Variants in TCF12 observed in about 807,000 individuals in gnomAD.
TCF12 encodes DNA-binding protein HTF4.
Under a neutral mutation model 86.0 loss-of-function variants are expected in TCF12, and 45 were observed. That is an observed-to-expected ratio of 0.52 (90% CI 0.41 to 0.67). The LOEUF is 0.67. TCF12 is among the 30% of genes least tolerant of loss of function. The pLI is 0.00. For synonymous variants in TCF12, 330 were observed against 299.6 expected, an observed-to-expected ratio of 1.10 and a Z score of -1.05; for missense variants, 881 against 859.9, an observed-to-expected ratio of 1.02 and a Z score of -0.31.
chr15:57,082,674 G>A (rs1414598962), intron 4 of TCF12, among the ~76,000 whole-genome samples: 1 of 152,128 alleles, frequency 6.6e-6, no homozygotes, highest in Non-Finnish European at 1.5e-5. Context: ...CATAAGTTTG[G>A]AGCTTTCATG....
intron 5 of TCF12, chr15:57,109,433 T>C (rs535803031): frequency 3.9e-5 from 6 of 152,340 alleles, no homozygotes; most frequent in African/African-American, 1.2e-4. Context: ...ATACTTAATA[T>C]TGTAAATAGG....
intron 3 of TCF12, among the ~76,000 whole-genome samples, chr15:56,973,989 A>G (rs767963092): frequency 3.9e-5 from 6 of 152,170 alleles, no homozygotes; most frequent in African/African-American, 1.2e-4. Flanking sequence ...TGTCAATATC[A>G]TGAAAGACAA....
intron 3 of TCF12, among the ~76,000 whole-genome samples, chr15:56,991,656 G>A (rs2063464872): frequency 6.6e-6 from 1 of 151,974 alleles, no homozygotes; most frequent in Non-Finnish European, 1.5e-5. Context: ...AAGACATTTA[G>A]GGTTAATAAG....
intron 5 of TCF12, among the ~76,000 whole-genome samples, chr15:57,146,007 AT>A (rs1339845664): frequency 1.3e-5 from 2 of 152,192 alleles, no homozygotes; most frequent in Non-Finnish European, 2.9e-5. Context: ...TGATCTGAAT[AT>A]TACACTTTGA....
chr15:56,941,024 A>G (rs1332508855), intron 3 of TCF12, among the ~76,000 whole-genome samples: 1 of 150,174 alleles, frequency 6.7e-6, no homozygotes, highest in African/African-American at 2.4e-5. Context: ...GCCTCCCAAA[A>G]TGCTGGGATT....
chr15:57,267,480 A>G (rs2060923085), intron 18 of TCF12, among the ~76,000 whole-genome samples: 2 of 152,214 alleles, frequency 1.3e-5, no homozygotes, highest in African/African-American at 2.4e-5. Flanking sequence ...AACAATTTAC[A>G]TCTTTCCTCC....
At chr15:57,050,708 A>AT (rs1422651926) in intron 3 of TCF12, among the ~76,000 whole-genome samples, 4 of 151,992 alleles carry the variant, frequency 2.6e-5, no homozygotes, top group Admixed American at 2.6e-4. Context: ...TAATTTTTTC[A>AT]TTATTTTTTG....
chr15:57,285,920 A>G (rs1211802623), intron 20 of TCF12, among the ~76,000 whole-genome samples: 1 of 152,214 alleles, frequency 6.6e-6, no homozygotes, highest in Non-Finnish European at 1.5e-5. Flanking sequence ...AGAGCAAGAC[A>G]CTGTCTGAAA....
intron 5 of TCF12, among the ~76,000 whole-genome samples, chr15:57,147,400 A>G (rs537658873): frequency 2.6e-5 from 4 of 152,330 alleles, no homozygotes; most frequent in East Asian, 1.9e-4. Context: ...ATATCCTATT[A>G]AACAACTACT....
intron 13 of TCF12, among the ~76,000 whole-genome samples, chr15:57,249,019 C>G (rs942843472): frequency 1.3e-5 from 2 of 152,088 alleles, no homozygotes; most frequent in Non-Finnish European, 2.9e-5. Flanking sequence ...GGGGGGCTTA[C>G]AGAAGGAGTA....
intron 16 of TCF12, among the ~76,000 whole-genome samples, chr15:57,257,282 T>G (rs1308553197): frequency 6.6e-6 from 1 of 152,196 alleles, no homozygotes; most frequent in Non-Finnish European, 1.5e-5. Context: ...ATGAGTAGTT[T>G]GAGAGTTTTA....
At chr15:57,028,473 G>T (rs2065954846) in intron 3 of TCF12, among the ~76,000 whole-genome samples, 1 of 151,968 alleles carries the variant, frequency 6.6e-6, no homozygotes, top group Non-Finnish European at 1.5e-5. Flanking sequence ...TGACGATGTT[G>T]GACATTTTTT....
At chr15:57,224,948 G>A (rs1317695856) in intron 8 of TCF12, among the ~76,000 whole-genome samples, 1 of 152,060 alleles carries the variant, frequency 6.6e-6, no homozygotes, top group Non-Finnish European at 1.5e-5. Context: ...AACTCTAGTA[G>A]CAGATTGGAG....
intron 3 of TCF12, among the ~76,000 whole-genome samples, chr15:56,947,597 T>A (rs939019385): frequency 6.6e-6 from 1 of 152,228 alleles, no homozygotes; most frequent in South Asian, 2.1e-4. Context: ...GTATTATTTG[T>A]TTTCCAGTGT....
At chr15:57,253,035 T>C (rs1286475899) in intron 15 of TCF12, among the ~76,000 whole-genome samples, 1 of 151,852 alleles carries the variant, frequency 6.6e-6, no homozygotes, top group Non-Finnish European at 1.5e-5. Context: ...GGTAAATTCG[T>C]TTTATAAAGC....
At chr15:57,012,352 A>G (rs1225490008) in intron 3 of TCF12, among the ~76,000 whole-genome samples, 2 of 152,202 alleles carry the variant, frequency 1.3e-5, no homozygotes, top group Non-Finnish European at 2.9e-5. Context: ...ATTTTTTTAA[A>G]GGAAAATATT....
intron 5 of TCF12, among the ~76,000 whole-genome samples, chr15:57,128,395 C>T (rs1231231959): frequency 1.3e-5 from 2 of 152,190 alleles, no homozygotes; most frequent in African/African-American, 2.4e-5. Flanking sequence ...ACGCAAAGTG[C>T]TTTTGCTCTG....
At chr15:57,219,142 C>CT (rs2058459933) in intron 8 of TCF12, 2 of 1,066,598 alleles carry the variant, frequency 1.9e-6, no homozygotes, top group Non-Finnish European at 2.3e-6. Context: ...AGCAGAAAAT[C>CT]TGTCAGTATG....
At chr15:57,121,208 T>C (rs2051203598) in intron 5 of TCF12, among the ~76,000 whole-genome samples, 1 of 152,202 alleles carries the variant, frequency 6.6e-6, no homozygotes, top group Non-Finnish European at 1.5e-5. Flanking sequence ...CTTTCGCTAG[T>C]CTAGGACAAA....
Sources: allele counts gnomAD v4.1 joint callset (sites outside exome capture counted in the v4.1 genomes callset), GRCh38; gene constraint gnomAD v4.1.1; transcripts MANE v1.5; gene names NCBI Gene and HGNC (gene_info 2026-07-23, HGNC 2026-07-21).